CCDC83: variants seen among roughly 807,000 people sequenced by gnomAD.
The protein encoded by CCDC83 is coiled-coil domain-containing protein 83.
A neutral mutation model predicts 50.1 loss-of-function variants in CCDC83; 54 were observed. That is an observed-to-expected ratio of 1.08 (90% CI 0.87 to 1.35). The LOEUF (loss-of-function observed/expected upper bound fraction) is 1.35. Among genes scored for constraint, CCDC83 ranks in the 40% most tolerant of loss-of-function variants. The pLI, the probability that CCDC83 is intolerant of heterozygous loss-of-function variation, is 0.00. For synonymous variants in CCDC83, 161 were observed against 153.3 expected, an observed-to-expected ratio of 1.05 and a Z score of -0.37; for missense variants, 518 against 473.9, an observed-to-expected ratio of 1.09 and a Z score of -0.86.
Position 85,919,687 on chromosome 11 carries a change from A to T in CCDC83, c.*177A>T, listed in dbSNP as rs2093499549. 1.7e-6 allele frequency: 1 copy of T among 572,230 alleles called. No individual in the cohort carries two copies. The highest frequency in any genetic ancestry group is 1.9e-5 in the African/African-American group (1 of 52,592). 35.4% of individuals were successfully genotyped at this position (572,230 alleles called of 1,614,324 possible). A position where few individuals can be genotyped will look rare whatever the true frequency, so the allele number is the denominator to read the frequency against. ...TCAGCTATTCATTTACTTGCATGGTATGAGTGACCAAAACGGAAGCACGCT... is the reference window on the plus strand; with the variant it reads ...TCAGCTATTCATTTACTTGCATGGTTTGAGTGACCAAAACGGAAGCACGCT... On this transcript the variant is annotated 3_prime_UTR_variant, in exon 11 of 11. Coordinates refer to ENST00000342404, the MANE Select transcript of CCDC83 (RefSeq NM_001286159.2).
chr11:85,862,593 G>C (rs2093183415), intron 1 of CCDC83, among the ~76,000 whole-genome samples: 1 of 152,152 alleles, frequency 6.6e-6, no homozygotes, highest in African/African-American at 2.4e-5. Flanking sequence ...GATGTTTGTA[G>C]TTACTGACAG....
chr11:85,874,333 G>A (rs2093256999), intron 3 of CCDC83, among the ~76,000 whole-genome samples: 1 of 152,196 alleles, frequency 6.6e-6, no homozygotes, highest in African/African-American at 2.4e-5. Context: ...TCCCATCGAT[G>A]CACCCATGCA....
chr11:85,910,075 G>A (rs972966787), intron 7 of CCDC83, among the ~76,000 whole-genome samples: 1 of 152,152 alleles, frequency 6.6e-6, no homozygotes, highest in Non-Finnish European at 1.5e-5. Flanking sequence ...TCTGCCTAGA[G>A]CACAGCCTCC....
chr11:85,873,848 A>T (rs909932392), intron 3 of CCDC83, among the ~76,000 whole-genome samples: 1 of 152,360 alleles, frequency 6.6e-6, no homozygotes, highest in South Asian at 2.1e-4. Context: ...GCAATCAATG[A>T]TAATTAACAC....
intron 1 of CCDC83, among the ~76,000 whole-genome samples, chr11:85,858,311 T>C (rs1486110421): frequency 6.6e-6 from 1 of 152,228 alleles, no homozygotes. Context: ...CCAAGCTGAC[T>C]GAGCTGCAAG....
chr11:85,909,158 A>G (rs1487208473), intron 7 of CCDC83, among the ~76,000 whole-genome samples: 1 of 152,156 alleles, frequency 6.6e-6, no homozygotes, highest in East Asian at 1.9e-4. Context: ...GCATTTAAGA[A>G]ATGATCATGT....
intron 4 of CCDC83, among the ~76,000 whole-genome samples, chr11:85,883,368 G>A (rs1477451584): frequency 6.6e-6 from 1 of 151,498 alleles, no homozygotes; most frequent in African/African-American, 2.4e-5. Flanking sequence ...GGAATGATAA[G>A]GCAAATAAAA....
At position 85,916,219 on chromosome 11, in the gene CCDC83, G is replaced by A. The variant is rs1481125850; in HGVS notation, c.1066G>A (p.Glu356Lys). ...TDMKYLLYED[E>K]KDFKDYVNLG... The stretch of plus-strand genomic sequence containing the variant: ...TATGAAGTACTTACTATATGAGGAT[G>A]AGAAGGATTTCAAGGTAAGATTCAT... The change falls in exon 10 of 11, where the codon GAG becomes AAG. Residue 356 changes from glutamate (E) to lysine (K), a missense_variant. By Grantham distance (56) the Glu-to-Lys change is moderately conservative (BLOSUM62 1). Transcript: ENST00000342404. 1 of 1,607,168 alleles carries A rather than the reference G, an allele frequency of 6.2e-7. No homozygotes were observed. The highest frequency in any genetic ancestry group is 8.5e-7 in the Non-Finnish European group (1 of 1,176,450).
intron 4 of CCDC83, among the ~76,000 whole-genome samples, chr11:85,885,833 A>T (rs956299718): frequency 1.3e-5 from 2 of 152,236 alleles, no homozygotes; most frequent in Non-Finnish European, 2.9e-5. Flanking sequence ...CAGAAAAATG[A>T]CAATTTCCTA....
chr11:85,886,148 T>C (rs1429503473), intron 4 of CCDC83, 52 bp from the exon 5 acceptor site: 70 of 1,405,016 alleles, frequency 5.0e-5, no homozygotes, highest in Non-Finnish European at 6.2e-5. Flanking sequence ...GATTGCAACA[T>C]ATAATGGTTA....
At chr11:85,901,218 T>G (rs758011994) in intron 7 of CCDC83, among the ~76,000 whole-genome samples, 8 of 152,228 alleles carry the variant, frequency 5.3e-5, no homozygotes, top group Non-Finnish European at 1.0e-4. Context: ...ATATATATTT[T>G]AAATTTGAGA....
At chr11:85,912,112 G>A (rs2093457346) in intron 8 of CCDC83, among the ~76,000 whole-genome samples, 1 of 152,152 alleles carries the variant, frequency 6.6e-6, no homozygotes, top group South Asian at 2.1e-4. Flanking sequence ...TAGGAAGAGA[G>A]GGGAAGTCAC....
chr11:85,890,060 C>A (rs558349276), intron 5 of CCDC83, among the ~76,000 whole-genome samples: 1 of 152,300 alleles, frequency 6.6e-6, no homozygotes, highest in African/African-American at 2.4e-5. Flanking sequence ...CTCTTTCCCC[C>A]ACCGAGGAGC....
chr11:85,865,148 A>T lies in CCDC83; in HGVS notation c.25A>T (p.Lys9Ter), dbSNP rs2093199759. The T allele has an allele frequency of 1.2e-6, 2 of 1,611,838 alleles. No homozygotes were observed. Among genetic ancestry groups the T allele is most frequent in the Non-Finnish European group, 1.7e-6 (2 of 1,178,030 alleles). ...AATGGAAAACTCAGGGAAAGCAAAT[A>T]AAAAGGATACACATGACGGGCCACC... MENSGKAN[K>*]KDTHDGPPKE... Residue 9 changes from lysine (K) to a stop codon, truncating the protein, a stop_gained, in exon 2 of 11, where the codon AAA becomes TAA. Coordinates refer to ENST00000342404, the MANE Select transcript of CCDC83 (RefSeq NM_001286159.2). LOFTEE classifies it high-confidence loss of function.
In CCDC83 at chr11:85,915,459, C is replaced by T. The variant is rs370402304; in HGVS notation, c.835C>T (p.Pro279Ser). ...CCAAGCTGCTGGACTAGAAGTGCCA[C>T]CTGAAGAAATGTCTTTGGAATTGCC... is the stretch of plus-strand genomic sequence containing the variant. ...LTQAAGLEVP[P>S]EEMSLELPET... Residue 279 changes from proline (P) to serine (S), a missense_variant, in exon 9 of 11, where the codon CCT becomes TCT. Pro to Ser is a moderately conservative substitution (Grantham distance 74). Coordinates refer to ENST00000342404, the MANE Select transcript of CCDC83 (RefSeq NM_001286159.2). 11 of 1,613,062 alleles carry T rather than the reference C, an allele frequency of 6.8e-6. No individual in the cohort carries two copies. In the African/African-American group the frequency reaches 1.1e-4, roughly 16 times the overall value.
At chr11:85,879,714 G>A (rs1200434715) in intron 3 of CCDC83, among the ~76,000 whole-genome samples, 2 of 151,982 alleles carry the variant, frequency 1.3e-5, no homozygotes, top group African/African-American at 4.8e-5. Context: ...CTACCTCCTG[G>A]GTTCAAACGA....
Position 85,895,288 on chromosome 11 carries a change from T to TTAA in CCDC83, c.512-5_512-4insTAA. 1 of 555,908 alleles carries TTAA rather than the reference T, an allele frequency of 1.8e-6. No individual in the cohort carries two copies. The highest frequency in any genetic ancestry group is 5.0e-4 in the Middle Eastern group (1 of 2,014). 34.4% of individuals were successfully genotyped at this position (555,908 alleles called of 1,614,324 possible). ...TCTTTTTTTTTTTTTTTTTTTTTTT[T>TTAA]AAAGAACACTATAAAATCACTCTGG... On this transcript the variant is annotated splice_region_variant and splice_polypyrimidine_tract_variant and intron_variant, in intron 5 of 10. Transcript: ENST00000342404.
intron 5 of CCDC83, 102 bp from the exon 6 acceptor site, chr11:85,895,191 G>A: frequency 3.1e-6 from 1 of 322,632 alleles, no homozygotes; most frequent in Non-Finnish European, 5.6e-6. Context: ...GGAGTAGTAA[G>A]TTGTGTGATA....
chr11:85,895,427 T>C, intron 6 of CCDC83, 43 bp downstream of exon 6: 2 of 1,257,080 alleles, frequency 1.6e-6, no homozygotes, highest in South Asian at 2.6e-5. Context: ...ACAAACATTT[T>C]CCCCCTATTT....
Sources: gnomAD v4.1 joint callset for allele counts (sites outside exome capture counted in the v4.1 genomes callset) on GRCh38, gnomAD v4.1.1 for gene constraint, MANE v1.5 for transcripts, NCBI Gene and HGNC (gene_info 2026-07-23, HGNC 2026-07-21) for gene names.